The following PACC1 variants were observed in gnomAD, a reference collection of about 807,000 sequenced individuals.
The protein encoded by PACC1 is proton activated chloride channel 1, also known as proton-activated chloride channel.
PACC1 carries 34 observed loss-of-function variants against 39.7 expected under a neutral mutation model. The observed-to-expected ratio is 0.86, with a 90% CI of 0.65 to 1.14. The LOEUF (loss-of-function observed/expected upper bound fraction) is 1.14, where lower values mean the gene tolerates loss of function less well. Ranked by LOEUF, PACC1 falls within the 50% of genes most tolerant of loss-of-function variation. The pLI, the probability that PACC1 is intolerant of heterozygous loss-of-function variation, is 0.00. For missense variants in PACC1, 379 were observed against 436.4 expected (o/e 0.87, Z 1.17); for synonymous variants, 127 against 160.6 (o/e 0.79, Z 1.58).
At chr1:212,400,437 T>C (rs778561761) in intron 2 of PACC1, among the ~76,000 whole-genome samples, 1 of 152,324 alleles carries the variant, frequency 6.6e-6, no homozygotes, top group East Asian at 1.9e-4. Flanking sequence ...ATGGGAACAT[T>C]GACCAAAAGC....
intron 7 of PACC1, among the ~76,000 whole-genome samples, chr1:212,374,140 ATCAAC>A (rs1272906590): frequency 6.6e-6 from 1 of 152,132 alleles, no homozygotes; most frequent in African/African-American, 2.4e-5. Flanking sequence ...AAGATATGGA[ATCAAC>A]TCAAGTATCC....
chr1:212,366,377 T>G (rs1660245665), intron 7 of PACC1, among the ~76,000 whole-genome samples: 1 of 147,572 alleles, frequency 6.8e-6, no homozygotes, highest in Non-Finnish European at 1.5e-5. Flanking sequence ...CTCAGTTCAC[T>G]GCAACCTCCG....
At chr1:212,408,569 C>G (rs1000590991) in intron 2 of PACC1, among the ~76,000 whole-genome samples, 1 of 152,064 alleles carries the variant, frequency 6.6e-6, no homozygotes, top group Non-Finnish European at 1.5e-5. Context: ...ACCATGTTGG[C>G]CAGGCTGGTC....
Position 212,370,456 on chromosome 1 carries a change from G to A in PACC1, c.891+4737C>T, listed in dbSNP as rs79741242. On this transcript the variant is annotated intron_variant, in intron 7 of 7. Coordinates refer to ENST00000261455, the MANE Select transcript of PACC1 (RefSeq NM_018252.3). ...TGCACTCCAGCCTGGGCGACAGAACGAGACTCCGTCTCAAAACTCCAACTG... is the reference window on the plus strand; with the variant it reads ...TGCACTCCAGCCTGGGCGACAGAACAAGACTCCGTCTCAAAACTCCAACTG... Among the ~76,000 whole-genome samples the A allele has an allele frequency of 5.3e-4, 80 of 152,316 alleles. 1 individual carries two copies. Among genetic ancestry groups the A allele is most frequent in the East Asian group, 1.2e-3 (6 of 5,188 alleles).
chr1:212,401,519 G>A (rs991278175), intron 2 of PACC1, among the ~76,000 whole-genome samples: 34 of 150,806 alleles, frequency 2.3e-4, no homozygotes, highest in African/African-American at 6.3e-4. Context: ...CCAGCCACTC[G>A]AGAGGCTGAG....
At chr1:212,379,259 C>T (rs1660787722) in intron 5 of PACC1, among the ~76,000 whole-genome samples, 1 of 152,120 alleles carries the variant, frequency 6.6e-6, no homozygotes, top group South Asian at 2.1e-4. Flanking sequence ...TTCTTAATAA[C>T]ATTTTTTTTC....
intron 7 of PACC1, among the ~76,000 whole-genome samples, chr1:212,371,886 T>C (rs1660471843): frequency 6.6e-6 from 1 of 152,210 alleles, no homozygotes; most frequent in Non-Finnish European, 1.5e-5. Context: ...TGCAAATCAA[T>C]AAATGTAATA....
At chr1:212,391,812 C>T (rs1303520114) in intron 2 of PACC1, among the ~76,000 whole-genome samples, 4 of 151,858 alleles carry the variant, frequency 2.6e-5, no homozygotes, top group South Asian at 4.2e-4. Flanking sequence ...CTTCAGTAGC[C>T]GATTCAACCA....
At chr1:212,395,952 G>T (rs915720436) in intron 2 of PACC1, among the ~76,000 whole-genome samples, 1 of 152,320 alleles carries the variant, frequency 6.6e-6, no homozygotes, top group South Asian at 2.1e-4. Flanking sequence ...TGCTGGAGAG[G>T]ATGTGGAGAA....
At chr1:212,392,021 A>G (rs1661340851) in intron 2 of PACC1, among the ~76,000 whole-genome samples, 1 of 152,240 alleles carries the variant, frequency 6.6e-6, no homozygotes, top group Admixed American at 6.5e-5. Context: ...AACACTCTGC[A>G]GGATATTATC....
chr1:212,371,262 AAG>A (rs1660446792), intron 7 of PACC1, among the ~76,000 whole-genome samples: 1 of 149,526 alleles, frequency 6.7e-6, no homozygotes, highest in African/African-American at 2.5e-5. Flanking sequence ...AAAAAAAAGA[AAG>A]AAAAGTTAGT....
At chr1:212,410,046 G>C (rs551144628) in intron 2 of PACC1, 1 of 207,588 alleles carries the variant, frequency 4.8e-6, no homozygotes, top group Non-Finnish European at 1.0e-5. Flanking sequence ...TTACCCAACT[G>C]AGCAGCATTA....
intron 7 of PACC1, among the ~76,000 whole-genome samples, chr1:212,366,569 A>AC (rs976974211): frequency 6.6e-6 from 1 of 151,982 alleles, no homozygotes; most frequent in Non-Finnish European, 1.5e-5. Context: ...CAAATAAAAT[A>AC]CTTCTAAGCT....
intron 1 of PACC1, among the ~76,000 whole-genome samples, chr1:212,412,350 C>T (rs1346087696): frequency 6.6e-6 from 1 of 152,180 alleles, no homozygotes; most frequent in Non-Finnish European, 1.5e-5. Flanking sequence ...CTAACACCCT[C>T]CCACCAGGTT....
chr1:212,384,952 G>C (rs1287356687), intron 4 of PACC1, among the ~76,000 whole-genome samples: 1 of 152,248 alleles, frequency 6.6e-6, no homozygotes, highest in African/African-American at 2.4e-5. Context: ...CAAGTGGTCA[G>C]GTATGGGACC....
chr1:212,390,112 A>T lies in PACC1; in HGVS notation c.134-3012T>A, dbSNP rs1030686483. On this transcript the variant is annotated intron_variant, in intron 2 of 7. Transcript: ENST00000261455. The stretch of plus-strand genomic sequence containing the variant: ...GCAGTGTAGTGACATGTAACTGGAG[A>T]CAGAAAATGGGTCACAAAAAATATC... Among the ~76,000 whole-genome samples, 3 of 151,776 alleles carry T rather than the reference A, an allele frequency of 2.0e-5. No homozygotes were observed. The East Asian group carries it at 5.8e-4, about 29-fold the overall frequency.
intron 2 of PACC1, among the ~76,000 whole-genome samples, chr1:212,388,427 G>A (rs150461376): frequency 0.012 from 1,764 of 152,264 alleles, 38 homozygotes; most frequent in African/African-American, 0.04. Flanking sequence ...TGTTATGGAC[G>A]AAACTGTATC....
At chr1:212,390,968 C>A (rs1015335452) in intron 2 of PACC1, among the ~76,000 whole-genome samples, 2 of 151,774 alleles carry the variant, frequency 1.3e-5, no homozygotes, top group Non-Finnish European at 2.9e-5. Context: ...TGGAGCCCAC[C>A]GCAGCTCAAG....
At chr1:212,388,042 G>A (rs1196958772) in intron 2 of PACC1, among the ~76,000 whole-genome samples, 14 of 127,652 alleles carry the variant, frequency 1.1e-4, no homozygotes, top group African/African-American at 3.3e-4. Context: ...CAACAAGAGC[G>A]AAACTCCATC....
Sources: allele counts gnomAD v4.1 joint callset (sites outside exome capture counted in the v4.1 genomes callset), GRCh38; gene constraint gnomAD v4.1.1; transcripts MANE v1.5; gene names NCBI Gene and HGNC (gene_info 2026-07-23, HGNC 2026-07-21).